Variants in RSPO2 observed in about 807,000 individuals in gnomAD.
RSPO2 encodes R-spondin-2.
Under a neutral mutation model 30.9 loss-of-function variants are expected in RSPO2, and 14 were observed. That is an observed-to-expected ratio of 0.45 (90% CI 0.30 to 0.71). The LOEUF (loss-of-function observed/expected upper bound fraction) is 0.71, where lower values mean the gene tolerates loss of function less well. Ranked by LOEUF, RSPO2 falls within the 30% of genes least tolerant of loss-of-function variation. RSPO2 has a pLI of 0.08. For synonymous variants in RSPO2, 107 were observed against 96.4 expected, an observed-to-expected ratio of 1.11 and a Z score of -0.64; for missense variants, 264 against 301.9, an observed-to-expected ratio of 0.87 and a Z score of 0.93.
intron 2 of RSPO2, among the ~76,000 whole-genome samples, chr8:108,043,570 CAT>C (rs1396087817): frequency 6.7e-6 from 1 of 148,638 alleles, no homozygotes; most frequent in African/African-American, 2.5e-5. Flanking sequence ...TTTTTTTACT[CAT>C]ATACTTTGGG....
At chr8:107,931,287 C>T (rs1245626174) in intron 5 of RSPO2, among the ~76,000 whole-genome samples, 3 of 152,072 alleles carry the variant, frequency 2.0e-5, no homozygotes, top group Admixed American at 6.6e-5. Flanking sequence ...TTATTCTCCC[C>T]GTATCCTCCA....
chr8:108,011,403 G>C (rs1810709098), intron 2 of RSPO2, among the ~76,000 whole-genome samples: 1 of 152,142 alleles, frequency 6.6e-6, no homozygotes, highest in Non-Finnish European at 1.5e-5. Context: ...CTACAAGGTA[G>C]TATGAATCAG....
chr8:107,901,211 G>T lies in RSPO2; in HGVS notation c.617-21C>A, dbSNP rs750180159. On this transcript the variant is annotated intron_variant, in intron 5 of 5. Transcript: ENST00000276659. ...CTTCCCTGCAATGAAGGAAAGAAAA[G>T]AAGAGATGTCAGAAATGGCTCTTTC... 2.0e-5 allele frequency: 32 copies of T among 1,597,718 alleles called. 1 individual carries two copies. In the South Asian group the frequency reaches 3.5e-4, roughly 18 times the overall value.
At chr8:108,068,486 G>C (rs1257738186) in intron 2 of RSPO2, among the ~76,000 whole-genome samples, 1 of 152,136 alleles carries the variant, frequency 6.6e-6, no homozygotes, top group Non-Finnish European at 1.5e-5. Flanking sequence ...CCACAGGGTT[G>C]TTATGAAAAT....
At position 108,083,254 on chromosome 8, in the gene RSPO2, G is replaced by C. The variant is rs956672501; in HGVS notation, c.-227C>G. The C allele has an allele frequency of 2.0e-5, 3 of 152,354 alleles. No individual in the cohort carries two copies. The highest frequency in any genetic ancestry group is 2.1e-4 in the South Asian group (1 of 4,832). 9.4% of individuals were successfully genotyped at this position (152,354 alleles called of 1,614,324 possible). A position where few individuals can be genotyped will look rare whatever the true frequency, so the allele number is the denominator to read the frequency against. ...AGGCGCGGTGCTCCATCCCGGGCTC[G>C]GGAAGCGAGCCGCTTGGTTAGCACG... On this transcript the variant is annotated 5_prime_UTR_variant, in exon 1 of 6. Transcript: ENST00000276659.
At position 107,940,321 on chromosome 8, in the gene RSPO2, C is replaced by T. The variant is rs567882502; in HGVS notation, c.616+17759G>A. On this transcript the variant is annotated intron_variant, in intron 5 of 5. Coordinates refer to ENST00000276659, the MANE Select transcript of RSPO2 (RefSeq NM_178565.5). ...AAGTTAAGTATGTGTGTTTTATTAA[C>T]AGACACTAGCCAGAAATGCAAATTA... Among the ~76,000 whole-genome samples, 19 of 152,164 alleles carry T rather than the reference C, an allele frequency of 1.2e-4. No homozygotes were observed. The East Asian group carries it at 3.5e-3, about 28-fold the overall frequency.
intron 5 of RSPO2, among the ~76,000 whole-genome samples, chr8:107,935,210 G>A (rs939384064): frequency 1.3e-5 from 2 of 152,118 alleles, no homozygotes; most frequent in African/African-American, 2.4e-5. Context: ...GGGAGATCTT[G>A]CACTCTGGGA....
chr8:108,035,632 G>A (rs1027227764), intron 2 of RSPO2, among the ~76,000 whole-genome samples: 28 of 152,042 alleles, frequency 1.8e-4, no homozygotes, highest in African/African-American at 3.6e-4. Flanking sequence ...CACCATGCCC[G>A]GCTAATTTTT....
intron 2 of RSPO2, among the ~76,000 whole-genome samples, chr8:108,010,547 T>G (rs2443781): frequency 0.77 from 116,717 of 152,096 alleles, 45,989 homozygotes; most frequent in African/African-American, 0.94. Context: ...TTCAGAAGTG[T>G]CTTAGAGAGC....
chr8:107,971,166 T>C (rs564494208), intron 3 of RSPO2, among the ~76,000 whole-genome samples: 2 of 152,196 alleles, frequency 1.3e-5, no homozygotes, highest in Non-Finnish European at 1.5e-5. Context: ...AATAGAACGA[T>C]GTTGCCTAAC....
At chr8:107,901,253 C>A (rs1811453854) in intron 5 of RSPO2, 63 bp from the exon 6 acceptor site, 3 of 1,522,804 alleles carry the variant, frequency 2.0e-6, no homozygotes, top group Non-Finnish European at 2.6e-6. Flanking sequence ...AAAGAAAACA[C>A]AAAAATATTG....
intron 2 of RSPO2, among the ~76,000 whole-genome samples, chr8:108,049,148 AATG>A (rs1311557713): frequency 1.3e-5 from 2 of 151,912 alleles, no homozygotes; most frequent in Non-Finnish European, 2.9e-5. Context: ...ACCTAATGTA[AATG>A]ATGAGTTGAT....
chr8:107,932,686 T>C (rs1000502138), intron 5 of RSPO2, among the ~76,000 whole-genome samples: 3 of 152,116 alleles, frequency 2.0e-5, no homozygotes, highest in East Asian at 1.9e-4. Context: ...TGTTTAAAGA[T>C]ATACAGATGG....
intron 5 of RSPO2, among the ~76,000 whole-genome samples, chr8:107,955,420 T>C (rs1813391057): frequency 6.6e-6 from 1 of 152,062 alleles, no homozygotes; most frequent in Non-Finnish European, 1.5e-5. Context: ...AGAATGATTG[T>C]TGGAAAAGCC....
At chr8:108,046,303 GC>G (rs1403861973) in intron 2 of RSPO2, among the ~76,000 whole-genome samples, 2 of 152,144 alleles carry the variant, frequency 1.3e-5, no homozygotes, top group Admixed American at 1.3e-4. Flanking sequence ...GGGTTTGATT[GC>G]CTTGTGAAAT....
intron 2 of RSPO2, among the ~76,000 whole-genome samples, chr8:108,065,334 G>A (rs1812632106): frequency 6.8e-6 from 1 of 148,002 alleles, no homozygotes; most frequent in Non-Finnish European, 1.5e-5. Flanking sequence ...CACTTTACTA[G>A]TAAGAAAAGC....
At chr8:108,007,977 G>C (rs1424147251) in intron 2 of RSPO2, among the ~76,000 whole-genome samples, 1 of 151,930 alleles carries the variant, frequency 6.6e-6, no homozygotes, top group Admixed American at 6.6e-5. Flanking sequence ...AATACACCTT[G>C]CCTGACTCAA....
chr8:107,948,810 A>G (rs561738210), intron 5 of RSPO2, among the ~76,000 whole-genome samples: 57 of 152,050 alleles, frequency 3.7e-4, no homozygotes, highest in African/African-American at 1.4e-3. Flanking sequence ...CAGTGAGCCA[A>G]TATCACACCA....
intron 2 of RSPO2, among the ~76,000 whole-genome samples, chr8:108,015,645 T>C (rs1414603293): frequency 6.6e-6 from 1 of 150,652 alleles, no homozygotes; most frequent in African/African-American, 2.4e-5. Context: ...TGATATCTGA[T>C]CTTAAGTCAG....
Sources: gnomAD v4.1 joint callset for allele counts (sites outside exome capture counted in the v4.1 genomes callset) on GRCh38, gnomAD v4.1.1 for gene constraint, MANE v1.5 for transcripts, NCBI Gene and HGNC (gene_info 2026-07-23, HGNC 2026-07-21) for gene names.